Variants in TIA1 observed in about 807,000 individuals in gnomAD.
TIA1 encodes TIA1 cytotoxic granule associated RNA binding protein.
TIA1 carries 23 observed loss-of-function variants against 65.9 expected under a neutral mutation model. The observed-to-expected ratio is 0.35, with a 90% CI of 0.25 to 0.49. TIA1 has a LOEUF of 0.49. TIA1 is among the 20% of genes least tolerant of loss of function. The probability of loss-of-function intolerance (pLI) is 0.98; values close to 1 mark genes in which losing one functional copy is unlikely to be tolerated. For synonymous variants in TIA1, 147 were observed against 149.4 expected (o/e 0.98, Z 0.12); for missense variants, 371 against 477.9 (o/e 0.78, Z 2.09).
chr2:70,228,248 G>C, intron 5 of TIA1: 1 of 981,252 alleles, frequency 1.0e-6, no homozygotes, highest in Non-Finnish European at 1.3e-6. Context: ...GAATTATGTA[G>C]ACTAGATTTG....
intron 1 of TIA1, among the ~76,000 whole-genome samples, chr2:70,244,211 C>T (rs1323483870): frequency 6.6e-6 from 1 of 152,142 alleles, no homozygotes; most frequent in Non-Finnish European, 1.5e-5. Flanking sequence ...CCCTCATCTC[C>T]TTCACTTTTT....
intron 1 of TIA1, among the ~76,000 whole-genome samples, chr2:70,238,276 T>G (rs966533659): frequency 6.0e-5 from 8 of 133,582 alleles, no homozygotes; most frequent in Non-Finnish European, 1.1e-4. Context: ...TTTTTTTTTT[T>G]TTTTTTTTTT....
intron 7 of TIA1, 192 bp downstream of exon 7, chr2:70,224,362 T>A: frequency 3.1e-6 from 2 of 637,370 alleles, no homozygotes; most frequent in Non-Finnish European, 2.5e-6. Context: ...TCTGAAAACA[T>A]CTTATCAGTA....
chr2:70,233,990 C>T (rs1046464270), intron 2 of TIA1, among the ~76,000 whole-genome samples: 2 of 152,176 alleles, frequency 1.3e-5, no homozygotes, highest in South Asian at 2.1e-4. Flanking sequence ...AGCTTTTGAG[C>T]GATCAGAATC....
chr2:70,247,784 T>C (rs1695052697), intron 1 of TIA1, among the ~76,000 whole-genome samples: 1 of 151,922 alleles, frequency 6.6e-6, no homozygotes, highest in African/African-American at 2.4e-5. Flanking sequence ...TCCAAATCCT[T>C]GGGGTGTCTG....
chr2:70,226,771 A>C (rs943296249), intron 6 of TIA1, among the ~76,000 whole-genome samples: 5 of 152,174 alleles, frequency 3.3e-5, no homozygotes, highest in African/African-American at 4.8e-5. Context: ...TTTCCTGATC[A>C]GGTCTCACAA....
At chr2:70,223,727 TC>T (rs1682566939) in intron 7 of TIA1, among the ~76,000 whole-genome samples, 1 of 149,146 alleles carries the variant, frequency 6.7e-6, no homozygotes, top group Non-Finnish European at 1.5e-5. Flanking sequence ...TTTTCGGAAT[TC>T]CCGGAAAAAA....
chr2:70,228,546 A>C, intron 5 of TIA1: 1 of 1,107,208 alleles, frequency 9.0e-7, no homozygotes. Flanking sequence ...TAACCAACCC[A>C]TATCTGAAGT....
chr2:70,218,792 A>G (rs1273685518), intron 7 of TIA1, among the ~76,000 whole-genome samples: 1 of 152,248 alleles, frequency 6.6e-6, no homozygotes, highest in Non-Finnish European at 1.5e-5. Context: ...GTAAGGGGAT[A>G]AAGATACTTT....
At chr2:70,218,171 GATGA>G (rs1679504283) in intron 7 of TIA1, among the ~76,000 whole-genome samples, 2 of 152,182 alleles carry the variant, frequency 1.3e-5, no homozygotes, top group African/African-American at 4.8e-5. Context: ...CTACAGACAG[GATGA>G]ATAAGAAAGG....
At chr2:70,218,606 TTC>T (rs1417239610) in intron 7 of TIA1, among the ~76,000 whole-genome samples, 1 of 152,118 alleles carries the variant, frequency 6.6e-6, no homozygotes, top group Non-Finnish European at 1.5e-5. Context: ...GAGACAGGGT[TTC>T]TTTTTTAGTA....
chr2:70,224,655 T>A, intron 6 of TIA1, 26 bp from the exon 7 acceptor site: 2 of 1,612,150 alleles, frequency 1.2e-6, no homozygotes. Flanking sequence ...ATCAGAAGTT[T>A]AGGTTTGCAA....
At position 70,227,762 on chromosome 2, in the gene TIA1, G is replaced by GC; in HGVS notation, c.370dup (p.Ala124GlyfsTer24). 6.3e-7 allele frequency: 1 copy of GC among 1,594,404 alleles called. No homozygotes were observed. Among genetic ancestry groups the GC allele is most frequent in the Non-Finnish European group, 8.6e-7 (1 of 1,168,032 alleles). On this transcript the variant is annotated frameshift_variant, in exon 6 of 13. Transcript: ENST00000433529. LOFTEE classifies it high-confidence loss of function. ...TATTCTTCCAAATGGTGCAAAAGCA[G>GC]CTTTTATATCTTCAGTTGTAATTTC...
intron 2 of TIA1, among the ~76,000 whole-genome samples, chr2:70,231,881 AT>A (rs1558873048): frequency 6.6e-6 from 1 of 152,084 alleles, no homozygotes; most frequent in African/African-American, 2.4e-5. Flanking sequence ...TCTGACATCA[AT>A]TTTTTGCTTG....
chr2:70,229,459 A>C (rs891274899), intron 3 of TIA1, 141 bp from the exon 4 acceptor site: 38 of 659,720 alleles, frequency 5.8e-5, no homozygotes, highest in Non-Finnish European at 9.0e-5. Flanking sequence ...TTCAACACTT[A>C]ATCTTCTGAC....
intron 4 of TIA1, 71 bp from the exon 5 acceptor site, chr2:70,229,162 G>A (rs1685015767): frequency 3.1e-6 from 5 of 1,602,888 alleles, no homozygotes; most frequent in Admixed American, 3.3e-5. Flanking sequence ...TTAGGATAAC[G>A]ATCAAAACAT....
intron 5 of TIA1, chr2:70,228,788 A>G (rs1684841657): frequency 7.4e-7 from 1 of 1,354,004 alleles, no homozygotes; most frequent in Non-Finnish European, 9.5e-7. Context: ...GGTGACCTCA[A>G]GAAAGGAGGG....
chr2:70,236,114 T>C lies in TIA1; in HGVS notation c.88A>G (p.Ile30Val). The C allele has an allele frequency of 2.5e-6, 4 of 1,612,360 alleles. No individual in the cohort carries two copies. Among genetic ancestry groups the C allele is most frequent in the Non-Finnish European group, 3.4e-6 (4 of 1,179,020 alleles). Residue 30 changes from isoleucine to valine, a missense_variant, in exon 2 of 13, where the codon ATT becomes GTT. Physicochemically the swap from Ile to Val is conservative, Grantham distance 29. Transcript: ENST00000433529. ...EALILQLFSQ[I>V]GPCKNCKMIM... ...ATTTTGCAGTTTTTACAAGGTCCAATCTGGCTAAAGAGTTGCAGAATTAGA... is the reference window on the plus strand; with the variant it reads ...ATTTTGCAGTTTTTACAAGGTCCAACCTGGCTAAAGAGTTGCAGAATTAGA...
chr2:70,236,688 G>A lies in TIA1; in HGVS notation c.27-513C>T, dbSNP rs138152091. Among the ~76,000 whole-genome samples the A allele has an allele frequency of 1.6e-3, 240 of 151,872 alleles. 2 individuals carry two copies. The highest frequency in any genetic ancestry group is 5.0e-3 in the African/African-American group (207 of 41,428). On this transcript the variant is annotated intron_variant, in intron 1 of 12. Coordinates refer to ENST00000433529, the MANE Select transcript of TIA1 (RefSeq NM_022173.4). ...GTTGCCCAGACTAGAGTGTAGTGGC[G>A]CAATCTTGGCTCACTACAATCTCCA...
Sources: gnomAD v4.1 joint callset for allele counts (sites outside exome capture counted in the v4.1 genomes callset) on GRCh38, gnomAD v4.1.1 for gene constraint, MANE v1.5 for transcripts, NCBI Gene and HGNC (gene_info 2026-07-23, HGNC 2026-07-21) for gene names.